ADAMTS15: variants seen among roughly 807,000 people sequenced by gnomAD.
The protein encoded by ADAMTS15 is A disintegrin and metalloproteinase with thrombospondin motifs 15.
Under a neutral mutation model 79.1 loss-of-function variants are expected in ADAMTS15, and 35 were observed. That is an observed-to-expected ratio of 0.44 (90% CI 0.34 to 0.59). ADAMTS15 has a LOEUF of 0.59. Among genes scored for constraint, ADAMTS15 ranks in the 20% least tolerant of loss-of-function variants. ADAMTS15 has a pLI of 0.02. For synonymous variants in ADAMTS15, 616 were observed against 567.3 expected (o/e 1.09, Z -1.22); for missense variants, 1,324 against 1,318.7 (o/e 1.00, Z -0.06).
In ADAMTS15 at chr11:130,470,278, G is replaced by A. The variant is rs150790643; in HGVS notation, c.1721-642G>A. ...GTTGCCCAGGCTGGAGTGCAGTGGC[G>A]CGATCTCGGCTCACTGCAACCTCAA... On this transcript the variant is annotated intron_variant, in intron 5 of 7. Coordinates refer to ENST00000299164, the MANE Select transcript of ADAMTS15 (RefSeq NM_139055.4). 7.1e-3 allele frequency among the ~76,000 whole-genome samples: 1,049 copies of A among 147,428 alleles called. 12 individuals carry two copies. Among genetic ancestry groups the A allele is most frequent in the African/African-American group, 0.026 (998 of 39,078 alleles).
At chr11:130,454,385 G>C (rs181244580) in intron 1 of ADAMTS15, among the ~76,000 whole-genome samples, 2 of 152,314 alleles carry the variant, frequency 1.3e-5, no homozygotes, top group East Asian at 3.9e-4. Flanking sequence ...TGCGCAGAGC[G>C]GAACAGCATT....
Position 130,473,420 on chromosome 11 carries a change from C to T in ADAMTS15, c.2452C>T (p.Pro818Ser). 6.2e-7 allele frequency: 1 copy of T among 1,612,806 alleles called. No homozygotes were observed. Among genetic ancestry groups the T allele is most frequent in the South Asian group, 1.1e-5 (1 of 91,086 alleles). ...CTCTCATCCCAAGGACCCCCGGGGA[C>T]CCTCTGTCTTGCACAACAGCGTCCT... ...KSSHPKDPRGPSVLHNSVLSL... is the reference protein window; with the variant it reads ...KSSHPKDPRGSSVLHNSVLSL... Residue 818 changes from proline to serine, a missense_variant, in exon 8 of 8, where the codon CCC becomes TCC. Transcript: ENST00000299164.
intron 1 of ADAMTS15, among the ~76,000 whole-genome samples, chr11:130,459,047 T>G (rs963008684): frequency 2.1e-5 from 3 of 145,068 alleles, no homozygotes. Context: ...TTTTTTTTTT[T>G]TTTTGAGACA....
rs1937889584 is a variant in ADAMTS15 at position 130,448,952 on chromosome 11, C to T, written c.-22C>T. 1 of 1,478,862 alleles carries T rather than the reference C, an allele frequency of 6.8e-7. No homozygotes were observed. The highest frequency in any genetic ancestry group is 2.4e-5 in the East Asian group (1 of 42,040). 91.6% of individuals were successfully genotyped at this position (1,478,862 alleles called of 1,614,324 possible). ...CCCGGCCCAGCCCCTTCCCACAGCG[C>T]GGCGGTGCGCTGCCCGGCGCCATGC... On this transcript the variant is annotated 5_prime_UTR_variant, in exon 1 of 8. Coordinates refer to ENST00000299164, the MANE Select transcript of ADAMTS15 (RefSeq NM_139055.4).
rs1488598935 is a variant in ADAMTS15, at chr11:130,449,169, C to T, written c.196C>T (p.Leu66=). The change falls in exon 1 of 8, where the codon CTA becomes TTA. Residue 66 remains leucine, a synonymous_variant. Coordinates refer to ENST00000299164, the MANE Select transcript of ADAMTS15 (RefSeq NM_139055.4). The surrounding 1 kb of genome is among the most constrained non-coding windows in gnomAD (Gnocchi z 7.8). ...CACAGCATTTCAGGAGGACTTTTAC[C>T]TACACCTGACGCCGGATGCTCAGTT... is the stretch of plus-strand genomic sequence containing the variant. ...QITAFQEDFY[L]HLTPDAQFLA... is the part of the protein sequence containing the mutation. The T allele has an allele frequency of 6.2e-7, 1 of 1,611,420 alleles. No homozygotes were observed. The highest frequency in any genetic ancestry group is 8.5e-7 in the Non-Finnish European group (1 of 1,178,056).
At chr11:130,461,705 T>C in intron 2 of ADAMTS15, 84 bp downstream of exon 2, 1 of 1,572,224 alleles carries the variant, frequency 6.4e-7, no homozygotes, top group Non-Finnish European at 8.6e-7. Context: ...TTTGCCCCCT[T>C]GTGTTCTGAA....
chr11:130,462,362 C>T lies in ADAMTS15; in HGVS notation c.1258+108C>T. On this transcript the variant is annotated intron_variant, in intron 3 of 7. Coordinates refer to ENST00000299164, the MANE Select transcript of ADAMTS15 (RefSeq NM_139055.4). This position sits in a 1 kb window ranked among gnomAD's most constrained non-coding sequence, Gnocchi z 4.3. ...GTCCTCTGTACATTAGGTGTGTGTG[C>T]CCCCTCGGAGCCGGGCTCTGACATG... 1.3e-6 allele frequency: 2 copies of T among 1,482,616 alleles called. No individual in the cohort carries two copies. Among genetic ancestry groups the T allele is most frequent in the Non-Finnish European group, 9.0e-7 (1 of 1,107,022 alleles). 91.8% of individuals were successfully genotyped at this position (1,482,616 alleles called of 1,614,324 possible).
chr11:130,467,097 G>A (rs549386474), intron 4 of ADAMTS15, among the ~76,000 whole-genome samples: 15 of 152,308 alleles, frequency 9.8e-5, no homozygotes, highest in African/African-American at 3.4e-4. Context: ...GGCACAGGGC[G>A]GGAGCACAGT....
In ADAMTS15 at chr11:130,449,805, G is replaced by A. The variant is rs1418933128; in HGVS notation, c.832G>A (p.Gly278Arg). 3 of 1,611,406 alleles carry A rather than the reference G, an allele frequency of 1.9e-6. No homozygotes were observed. The highest frequency in any genetic ancestry group is 1.1e-5 in the South Asian group (1 of 91,078). Residue 278 changes from glycine to arginine, a missense_variant, in exon 1 of 8, where the codon GGG becomes AGG. Coordinates refer to ENST00000299164, the MANE Select transcript of ADAMTS15 (RefSeq NM_139055.4). This position sits in a 1 kb window ranked among gnomAD's most constrained non-coding sequence, Gnocchi z 7.8. ...GCTGCTTCTTAGAGATCGTGACTCC[G>A]GGCCCAAGGTCACCGGCAATGCGGC... Reference protein sequence around the residue: ...KVLLLRDRDSGPKVTGNAALT... With the variant: ...KVLLLRDRDSRPKVTGNAALT...
intron 4 of ADAMTS15, among the ~76,000 whole-genome samples, chr11:130,465,275 C>A (rs1487659903): frequency 6.6e-6 from 1 of 152,158 alleles, no homozygotes; most frequent in African/African-American, 2.4e-5. Flanking sequence ...CTCCACTGTC[C>A]CCCTTTACAG....
rs1937918449 is a variant in ADAMTS15, at chr11:130,449,621, C to T, written c.648C>T (p.Ile216=). The T allele has an allele frequency of 6.2e-7, 1 of 1,605,368 alleles. No homozygotes were observed. The highest frequency in any genetic ancestry group is 1.3e-5 in the African/African-American group (1 of 74,850). The change falls in exon 1 of 8, where the codon ATC becomes ATT. Residue 216 remains isoleucine (I), a synonymous_variant. Transcript: ENST00000299164. This position sits in a 1 kb window ranked among gnomAD's most constrained non-coding sequence, Gnocchi z 7.8. ...RSGRAKRFVS[I]PRYVETLVVA... ...GGCGCGCCAAGCGTTTCGTGTCTAT[C>T]CCGCGGTACGTGGAGACGCTGGTGG...
At chr11:130,455,831 T>G (rs1426492183) in intron 1 of ADAMTS15, among the ~76,000 whole-genome samples, 1 of 151,872 alleles carries the variant, frequency 6.6e-6, no homozygotes, top group Non-Finnish European at 1.5e-5. Context: ...ACCGGAGAGG[T>G]GGCGCAGACG....
rs1392277951 is a variant in ADAMTS15, at chr11:130,470,162, A to G, written c.1720+723A>G. On this transcript the variant is annotated intron_variant, in intron 5 of 7. Coordinates refer to ENST00000299164, the MANE Select transcript of ADAMTS15 (RefSeq NM_139055.4). ...TATATATATATATATGTGTATATAT[A>G]TATATATATATATATATATGTGTGT... Among the ~76,000 whole-genome samples, 62 of 56,556 alleles carry G rather than the reference A, an allele frequency of 1.1e-3. 3 individuals carry two copies. Among genetic ancestry groups the G allele is most frequent in the African/African-American group, 6.1e-3 (57 of 9,420 alleles). 37.1% of individuals were successfully genotyped at this position (56,556 alleles called of 152,430 possible).
Position 130,449,682 on chromosome 11 carries a change from G to T in ADAMTS15, c.709G>T (p.Asp237Tyr). The change falls in exon 1 of 8, where the codon GAC (aspartate) becomes TAC (tyrosine). Residue 237 changes from aspartate to tyrosine, a missense_variant. By Grantham distance (160) the Asp-to-Tyr change is radical. Transcript: ENST00000299164. This position sits in a 1 kb window ranked among gnomAD's most constrained non-coding sequence, Gnocchi z 7.8. ...DESMVKFHGA[D>Y]LEHYLLTLLA... ...GTCAATGGTCAAGTTCCACGGCGCG[G>T]ACCTGGAACATTATCTGCTGACGCT... is the stretch of plus-strand genomic sequence containing the variant. 1 of 1,604,678 alleles carries T rather than the reference G, an allele frequency of 6.2e-7. No individual in the cohort carries two copies. Among genetic ancestry groups the T allele is most frequent in the East Asian group, 2.2e-5 (1 of 44,498 alleles).
rs777096945 is a variant in ADAMTS15, at chr11:130,462,291, C to T, written c.1258+37C>T. The T allele has an allele frequency of 3.7e-5, 59 of 1,580,350 alleles. No homozygotes were observed. The highest frequency in any genetic ancestry group is 3.0e-4 in the Admixed American group (17 of 56,888). On this transcript the variant is annotated intron_variant, in intron 3 of 7. Transcript: ENST00000299164. This position sits in a 1 kb window ranked among gnomAD's most constrained non-coding sequence, Gnocchi z 4.3. ...CGGCGGGAGGGCAATGAGGCCGCCT[C>T]GGAGGGGGCTTTGCTGCTGCCCCTG...
intron 4 of ADAMTS15, among the ~76,000 whole-genome samples, chr11:130,463,995 T>A (rs1343287750): frequency 6.6e-6 from 1 of 152,060 alleles, no homozygotes; most frequent in Non-Finnish European, 1.5e-5. Context: ...ATAAGTAGGA[T>A]CCCTGTAGGC....
At chr11:130,467,146 TA>T (rs1592148913) in intron 4 of ADAMTS15, among the ~76,000 whole-genome samples, 1 of 152,152 alleles carries the variant, frequency 6.6e-6, no homozygotes, top group Admixed American at 6.5e-5. Flanking sequence ...TGATACCAAA[TA>T]AAAACCAGGT....
In ADAMTS15 at chr11:130,473,351, C is replaced by T. The variant is rs557298477; in HGVS notation, c.2383C>T (p.Arg795Cys). 25 of 1,612,912 alleles carry T rather than the reference C, an allele frequency of 1.5e-5. No homozygotes were observed. The highest frequency in any genetic ancestry group is 8.8e-5 in the South Asian group (8 of 91,084). ...GGGGAAGATGACACCGCCCCGGGTCCGCTACTCCTTCTATCTGCCCAAAGA... is the reference window on the plus strand; with the variant it reads ...GGGGAAGATGACACCGCCCCGGGTCTGCTACTCCTTCTATCTGCCCAAAGA... Reference protein sequence around the residue: ...SVGKMTPPRVRYSFYLPKEPR... With the variant: ...SVGKMTPPRVCYSFYLPKEPR... The change falls in exon 8 of 8, where the codon CGC (arginine) becomes TGC (cysteine). Residue 795 changes from arginine (R) to cysteine (C), a missense_variant. Coordinates refer to ENST00000299164, the MANE Select transcript of ADAMTS15 (RefSeq NM_139055.4).
intron 5 of ADAMTS15, among the ~76,000 whole-genome samples, chr11:130,470,183 T>TATACACAC (rs1565397829): frequency 2.5e-5 from 1 of 39,850 alleles, no homozygotes; most frequent in African/African-American, 1.4e-4. Flanking sequence ...TATATATATG[T>TATACACAC]GTGTATATAT....
Sources: allele counts gnomAD v4.1 joint callset (sites outside exome capture counted in the v4.1 genomes callset), GRCh38; gene constraint gnomAD v4.1.1; non-coding constraint Gnocchi (gnomAD v3.1); transcripts MANE v1.5; gene names NCBI Gene and HGNC (gene_info 2026-07-23, HGNC 2026-07-21).